The following PRKG1 variants were observed in gnomAD, a reference collection of about 807,000 sequenced individuals.
PRKG1 encodes protein kinase cGMP-dependent 1, also known as cGMP-dependent protein kinase 1.
In PRKG1, 35 loss-of-function variants were observed where a neutral mutation model predicts 88.1. The observed-to-expected ratio is 0.40, with a 90% CI of 0.30 to 0.53. The LOEUF (loss-of-function observed/expected upper bound fraction) is 0.53, where lower values mean the gene tolerates loss of function less well. PRKG1 is among the 20% of genes least tolerant of loss of function. The pLI is 0.59. For missense variants in PRKG1, 540 were observed against 839.8 expected (o/e 0.64, Z 4.41); for synonymous variants, 303 against 292.5 (o/e 1.04, Z -0.37).
chr10:51,166,977 A>G (rs565379714), intron 2 of PRKG1, among the ~76,000 whole-genome samples: 1 of 152,316 alleles, frequency 6.6e-6, no homozygotes, highest in East Asian at 1.9e-4. Context: ...ATTATTTATT[A>G]GTTCTTACAT....
intron 3 of PRKG1, among the ~76,000 whole-genome samples, chr10:51,643,509 T>C (rs1339441977): frequency 6.6e-6 from 1 of 152,226 alleles, no homozygotes; most frequent in Admixed American, 6.5e-5. Context: ...CTCTTATACA[T>C]TGGCAGCTTT....
At chr10:51,751,290 T>A (rs947732294) in intron 3 of PRKG1, among the ~76,000 whole-genome samples, 2 of 152,154 alleles carry the variant, frequency 1.3e-5, no homozygotes, top group African/African-American at 2.4e-5. Context: ...CAGGCTGGAG[T>A]GCAGTGGTGC....
intron 2 of PRKG1, among the ~76,000 whole-genome samples, chr10:51,450,391 C>T (rs1313464536): frequency 6.6e-6 from 1 of 151,760 alleles, no homozygotes; most frequent in African/African-American, 2.4e-5. Context: ...CAAACATTTC[C>T]CCTGTTCCTC....
At chr10:51,190,256 T>C (rs1202398070) in intron 2 of PRKG1, among the ~76,000 whole-genome samples, 1 of 151,930 alleles carries the variant, frequency 6.6e-6, no homozygotes, top group Non-Finnish European at 1.5e-5. Context: ...GAAGTAAACA[T>C]AGAATGTAAT....
intron 2 of PRKG1, 116 bp from the exon 3 acceptor site, chr10:51,467,607 T>G (rs1839941192): frequency 5.4e-6 from 4 of 735,226 alleles, no homozygotes; most frequent in Non-Finnish European, 8.8e-6. Flanking sequence ...TGACTTTGTT[T>G]TAATTGGTAA....
At chr10:51,404,296 T>A (rs1024434414) in intron 2 of PRKG1, among the ~76,000 whole-genome samples, 1 of 152,252 alleles carries the variant, frequency 6.6e-6, no homozygotes, top group African/African-American at 2.4e-5. Flanking sequence ...GAATACTTTG[T>A]GTCATGGTTT....
chr10:51,019,937 C>G (rs534880597), intron 1 of PRKG1, among the ~76,000 whole-genome samples: 5 of 151,928 alleles, frequency 3.3e-5, no homozygotes, highest in Non-Finnish European at 5.9e-5. Context: ...CAAATCAAAA[C>G]TATGAGATGC....
intron 1 of PRKG1, among the ~76,000 whole-genome samples, chr10:51,007,565 T>G (rs557964084): frequency 1.3e-5 from 2 of 152,344 alleles, no homozygotes; most frequent in East Asian, 3.9e-4. Flanking sequence ...GCTAAGAGCA[T>G]GGACTGTGGA....
chr10:52,190,959 A>G (rs1004211454), intron 9 of PRKG1, among the ~76,000 whole-genome samples: 10 of 152,206 alleles, frequency 6.6e-5, no homozygotes, highest in African/African-American at 1.9e-4. Context: ...ACTTTCCTAC[A>G]TAATCACAAT....
At chr10:51,834,784 A>G (rs906829539) in intron 4 of PRKG1, among the ~76,000 whole-genome samples, 1 of 152,036 alleles carries the variant, frequency 6.6e-6, no homozygotes, top group African/African-American at 2.4e-5. Flanking sequence ...AAAAGAAAAG[A>G]AAGTGAGGGT....
In PRKG1 at chr10:51,502,490, T is replaced by C. The variant is rs551556427; in HGVS notation, c.592+34654T>C. Among the ~76,000 whole-genome samples the C allele has an allele frequency of 5.3e-5, 8 of 152,308 alleles. No homozygotes were observed. The East Asian group carries it at 1.5e-3, about 29-fold the overall frequency. Reference sequence around the variant, plus strand: ...ATACAAGGAATGAGTCTATGTTTATTTCCCTACATTCTTTTGTACCAGTTC... The same window carrying C: ...ATACAAGGAATGAGTCTATGTTTATCTCCCTACATTCTTTTGTACCAGTTC... On this transcript the variant is annotated intron_variant, in intron 3 of 17. Transcript: ENST00000373980.
At chr10:52,200,813 T>C (rs1314187938) in intron 9 of PRKG1, among the ~76,000 whole-genome samples, 1 of 152,186 alleles carries the variant, frequency 6.6e-6, no homozygotes, top group African/African-American at 2.4e-5. Context: ...ATTAATGATG[T>C]TGAGCATTTT....
intron 2 of PRKG1, among the ~76,000 whole-genome samples, chr10:51,321,235 C>T (rs1160773520): frequency 1.3e-5 from 2 of 152,050 alleles, no homozygotes; most frequent in Non-Finnish European, 2.9e-5. Flanking sequence ...ATCTTAAGCA[C>T]GTTACTTAAA....
chr10:51,036,758 A>G (rs190078443), intron 1 of PRKG1, among the ~76,000 whole-genome samples: 66 of 152,322 alleles, frequency 4.3e-4, no homozygotes, highest in Admixed American at 3.9e-3. Flanking sequence ...AAGTTTTGAC[A>G]TGTTTAAAAA....
chr10:52,046,101 T>G (rs1423612862), intron 5 of PRKG1, among the ~76,000 whole-genome samples: 2 of 152,138 alleles, frequency 1.3e-5, no homozygotes, highest in Non-Finnish European at 2.9e-5. Context: ...GAAGTGAACT[T>G]TACTATTGTG....
intron 3 of PRKG1, among the ~76,000 whole-genome samples, chr10:51,761,664 A>C (rs937311695): frequency 2.0e-5 from 3 of 152,236 alleles, no homozygotes; most frequent in Admixed American, 2.0e-4. Flanking sequence ...ACTTTTTCAA[A>C]AAGTGTTTTA....
chr10:52,178,942 T>C (rs1838939125), intron 9 of PRKG1, among the ~76,000 whole-genome samples: 1 of 151,848 alleles, frequency 6.6e-6, no homozygotes, highest in Non-Finnish European at 1.5e-5. Context: ...TTTTTTTTTT[T>C]CTCTTTAATC....
At chr10:51,107,194 C>A (rs1194202709) in intron 1 of PRKG1, among the ~76,000 whole-genome samples, 1 of 152,034 alleles carries the variant, frequency 6.6e-6, no homozygotes, top group Non-Finnish European at 1.5e-5. Flanking sequence ...TACATGAGGG[C>A]CAGCAGGGCT....
chr10:51,169,467 A>AT (rs1259644687), intron 2 of PRKG1, among the ~76,000 whole-genome samples: 2 of 152,106 alleles, frequency 1.3e-5, no homozygotes, highest in Non-Finnish European at 2.9e-5. Flanking sequence ...GATAAGTTAA[A>AT]TTTTTTAAAA....
Sources: gnomAD v4.1 joint callset for allele counts (sites outside exome capture counted in the v4.1 genomes callset) on GRCh38, gnomAD v4.1.1 for gene constraint, MANE v1.5 for transcripts, NCBI Gene and HGNC (gene_info 2026-07-23, HGNC 2026-07-21) for gene names.